Variants in SAFB observed in about 807,000 individuals in gnomAD.
The protein encoded by SAFB is scaffold attachment factor B.
A neutral mutation model predicts 101.6 loss-of-function variants in SAFB; 15 were observed. The ratio of observed to expected loss-of-function variants is 0.15; its 90% CI spans 0.10 to 0.23. The LOEUF (loss-of-function observed/expected upper bound fraction) is 0.23. SAFB is among the 10% of genes least tolerant of loss of function. The pLI is 1.00. For synonymous variants in SAFB, 449 were observed against 407.5 expected, an observed-to-expected ratio of 1.10 and a Z score of -1.23; for missense variants, 930 against 1,104.1, an observed-to-expected ratio of 0.84 and a Z score of 2.23.
intron 16 of SAFB, 78 bp downstream of exon 16, chr19:5,664,237 C>T: frequency 6.6e-7 from 1 of 1,524,076 alleles, no homozygotes; most frequent in East Asian, 2.3e-5. Flanking sequence ...CTCCTGGGCT[C>T]TCTGAACCCA....
At chr19:5,625,287 C>T (rs1443209873) in intron 1 of SAFB, among the ~76,000 whole-genome samples, 1 of 152,196 alleles carries the variant, frequency 6.6e-6, no homozygotes, top group Admixed American at 6.5e-5. Context: ...GGCATTGCTT[C>T]TCTTCTCCTG....
Position 5,668,178 on chromosome 19 carries a change from C to A in SAFB, c.2641C>A (p.Pro881Thr). 6.2e-7 allele frequency: 1 copy of A among 1,605,462 alleles called. No individual in the cohort carries two copies. The change falls in exon 21 of 21, where the codon CCA (proline) becomes ACA (threonine). Residue 881 changes from proline to threonine, a missense_variant. This residue lies in a region of SAFB where 318 missense variants were observed against 342.6 expected (regional missense o/e 0.93). Coordinates refer to ENST00000588852, the MANE Select transcript of SAFB (RefSeq NM_001201338.2). ...TGTTCCTAGGCGCGGCAGCTTTGCC[C>A]CAGGCGGGGCCTCCCGGGGCCACCC... ...GGMSGRGSFA[P>T]GGASRGHPIP...
At chr19:5,657,368 G>A (rs748330287) in intron 14 of SAFB, 21 bp downstream of exon 14, 25 of 1,525,638 alleles carry the variant, frequency 1.6e-5, no homozygotes, top group South Asian at 1.0e-4. Flanking sequence ...ATCCAGGAAC[G>A]GTTTGGTGTT....
intron 13 of SAFB, among the ~76,000 whole-genome samples, chr19:5,656,265 T>A (rs1233379986): frequency 1.3e-5 from 2 of 152,104 alleles, no homozygotes; most frequent in Non-Finnish European, 2.9e-5. Context: ...TTTTATTATT[T>A]ATTTTTTATT....
intron 2 of SAFB, 23 bp from the exon 3 acceptor site, chr19:5,641,571 G>C (rs1188116942): frequency 6.2e-7 from 1 of 1,604,184 alleles, no homozygotes; most frequent in African/African-American, 1.3e-5. Context: ...TTGATCTCAT[G>C]CTGTAAATGA....
intron 2 of SAFB, among the ~76,000 whole-genome samples, chr19:5,630,112 C>T (rs1568248156): frequency 6.6e-6 from 1 of 152,222 alleles, no homozygotes; most frequent in Non-Finnish European, 1.5e-5. Flanking sequence ...GCCTATTTCA[C>T]TAAACTCAAC....
At chr19:5,638,786 TTCTC>T (rs1204567053) in intron 2 of SAFB, among the ~76,000 whole-genome samples, 1 of 150,680 alleles carries the variant, frequency 6.6e-6, no homozygotes, top group Non-Finnish European at 1.5e-5. Flanking sequence ...CAGTAGTGTG[TTCTC>T]GCCTCATTGC....
intron 8 of SAFB, 34 bp from the exon 9 acceptor site, chr19:5,650,944 T>G: frequency 7.8e-7 from 1 of 1,290,144 alleles, no homozygotes; most frequent in Non-Finnish European, 1.1e-6. Flanking sequence ...CTTGTGGGTA[T>G]TTGGGTTTTT....
intron 2 of SAFB, among the ~76,000 whole-genome samples, chr19:5,630,052 A>T (rs942499284): frequency 6.6e-6 from 1 of 152,192 alleles, no homozygotes. Context: ...AAACAAAAAC[A>T]AAAACAAAAA....
intron 2 of SAFB, among the ~76,000 whole-genome samples, chr19:5,640,692 C>G (rs1417417110): frequency 6.6e-6 from 1 of 151,866 alleles, no homozygotes; most frequent in Non-Finnish European, 1.5e-5. Flanking sequence ...AGAGTTCAAG[C>G]GATTTTCCTG....
At position 5,633,512 on chromosome 19, in the gene SAFB, G is replaced by A. The variant is rs534348184; in HGVS notation, c.274+7023G>A. 2.4e-4 allele frequency among the ~76,000 whole-genome samples: 36 copies of A among 152,258 alleles called. No individual in the cohort carries two copies. In the East Asian group the frequency reaches 6.6e-3, roughly 28 times the overall value. On this transcript the variant is annotated intron_variant, in intron 2 of 20. Transcript: ENST00000588852. Reference sequence around the variant, plus strand: ...CCAGGGTCTGCAGCCAGGCGCGGTGGCTCACGCCTGTAATCCCAGCACTTT... The same window carrying A: ...CCAGGGTCTGCAGCCAGGCGCGGTGACTCACGCCTGTAATCCCAGCACTTT...
intron 2 of SAFB, among the ~76,000 whole-genome samples, chr19:5,639,303 G>T (rs555811135): frequency 6.6e-6 from 1 of 152,124 alleles, no homozygotes; most frequent in African/African-American, 2.4e-5. Flanking sequence ...CTAAATACAG[G>T]TGTATATTAT....
intron 2 of SAFB, among the ~76,000 whole-genome samples, chr19:5,631,533 G>A (rs1366072317): frequency 6.6e-6 from 1 of 152,192 alleles, no homozygotes; most frequent in African/African-American, 2.4e-5. Flanking sequence ...AGGGACTGCT[G>A]TAATGTGTGA....
chr19:5,638,439 C>T (rs896241993), intron 2 of SAFB, among the ~76,000 whole-genome samples: 2 of 151,996 alleles, frequency 1.3e-5, no homozygotes, highest in Admixed American at 1.3e-4. Flanking sequence ...CTGCGTCAAC[C>T]CCCCCACCGA....
At chr19:5,643,455 T>C (rs2053764272) in intron 4 of SAFB, among the ~76,000 whole-genome samples, 1 of 152,204 alleles carries the variant, frequency 6.6e-6, no homozygotes, top group Non-Finnish European at 1.5e-5. Context: ...GATTTGAGTC[T>C]GAGAAGTGGC....
chr19:5,653,426 C>T lies in SAFB; in HGVS notation c.1526+6C>T. 1 of 1,612,836 alleles carries T rather than the reference C, an allele frequency of 6.2e-7. No homozygotes were observed. Among genetic ancestry groups the T allele is most frequent in the Non-Finnish European group, 8.5e-7 (1 of 1,179,064 alleles). ...AAGTCGAGCAACAGTGACAGGTACC[C>T]CTCCTTCCTGGCTAAATTAAAGGGG... On this transcript the variant is annotated splice_donor_region_variant and intron_variant, in intron 11 of 20. Coordinates refer to ENST00000588852, the MANE Select transcript of SAFB (RefSeq NM_001201338.2).
intron 15 of SAFB, among the ~76,000 whole-genome samples, chr19:5,662,120 C>A (rs567394192): frequency 5.3e-5 from 8 of 152,124 alleles, no homozygotes; most frequent in Non-Finnish European, 1.2e-4. Flanking sequence ...CTCCTGACCT[C>A]GTGATCCACC....
chr19:5,627,290 GGCT>G (rs1223736177), intron 2 of SAFB, among the ~76,000 whole-genome samples: 2 of 152,004 alleles, frequency 1.3e-5, no homozygotes, highest in Non-Finnish European at 2.9e-5. Flanking sequence ...GACCAGCCTG[GGCT>G]GCCTCTATCC....
At chr19:5,650,719 C>G (rs111246681) in intron 8 of SAFB, among the ~76,000 whole-genome samples, 5 of 152,236 alleles carry the variant, frequency 3.3e-5, no homozygotes, top group African/African-American at 1.2e-4. Flanking sequence ...CCCGCAATTG[C>G]TAACTTTCTT....
Sources: allele counts gnomAD v4.1 joint callset (sites outside exome capture counted in the v4.1 genomes callset), GRCh38; gene constraint gnomAD v4.1.1; regional missense constraint gnomAD v4.1.1; transcripts MANE v1.5; gene names NCBI Gene and HGNC (gene_info 2026-07-23, HGNC 2026-07-21).